ROBO1: variants seen among roughly 807,000 people sequenced by gnomAD.
ROBO1 encodes roundabout homolog 1.
In ROBO1, 149 loss-of-function variants were observed where a neutral mutation model predicts 195.9. The observed-to-expected ratio is 0.76, with a 90% CI of 0.67 to 0.87. The LOEUF (loss-of-function observed/expected upper bound fraction) is 0.87. Ranked by LOEUF, ROBO1 falls within the 40% of genes least tolerant of loss-of-function variation. The pLI is 0.00. For synonymous variants in ROBO1, 816 were observed against 733.2 expected, an observed-to-expected ratio of 1.11 and a Z score of -1.82; for missense variants, 1,933 against 2,068.3, an observed-to-expected ratio of 0.93 and a Z score of 1.27.
chr3:79,653,935 T>G (rs1219865578), intron 1 of ROBO1, among the ~76,000 whole-genome samples: 1 of 151,976 alleles, frequency 6.6e-6, no homozygotes, highest in African/African-American at 2.4e-5. Context: ...ACAAAGTACA[T>G]GTTAGGAAAG....
chr3:79,208,414 G>A (rs991095983), intron 2 of ROBO1, among the ~76,000 whole-genome samples: 1 of 152,172 alleles, frequency 6.6e-6, no homozygotes, highest in Non-Finnish European at 1.5e-5. Context: ...GGCTTATTTG[G>A]CAGAGTCAGA....
At chr3:79,275,532 T>C (rs981164012) in intron 2 of ROBO1, among the ~76,000 whole-genome samples, 1 of 151,922 alleles carries the variant, frequency 6.6e-6, no homozygotes, top group Non-Finnish European at 1.5e-5. Context: ...TCATATAGAA[T>C]GGAGAAAACC....
chr3:79,302,575 C>T (rs1427191680), intron 2 of ROBO1, among the ~76,000 whole-genome samples: 5 of 152,036 alleles, frequency 3.3e-5, no homozygotes, highest in Non-Finnish European at 5.9e-5. Flanking sequence ...GTCATTCTTC[C>T]CCTTCAAATT....
intron 2 of ROBO1, among the ~76,000 whole-genome samples, chr3:79,264,773 C>T (rs1331651118): frequency 6.6e-6 from 1 of 151,844 alleles, no homozygotes; most frequent in Non-Finnish European, 1.5e-5. Context: ...TTACTACTAG[C>T]TAATAGGTTG....
At chr3:79,127,760 A>G (rs1228338570) in intron 2 of ROBO1, among the ~76,000 whole-genome samples, 1 of 152,180 alleles carries the variant, frequency 6.6e-6, no homozygotes, top group Non-Finnish European at 1.5e-5. Context: ...ATCATATAAA[A>G]CAGATTTCCA....
chr3:78,829,496 T>C (rs570032025), intron 4 of ROBO1, among the ~76,000 whole-genome samples: 34 of 152,310 alleles, frequency 2.2e-4, no homozygotes, highest in African/African-American at 7.9e-4. Context: ...TTTTTGCTTC[T>C]AGTCCATTTT....
chr3:78,884,726 G>A (rs1289375819), intron 4 of ROBO1, among the ~76,000 whole-genome samples: 1 of 148,016 alleles, frequency 6.8e-6, no homozygotes. Context: ...GAAAGGAAAG[G>A]AAGGAAGGAA....
chr3:78,788,363 C>T (rs2083909590), intron 4 of ROBO1, among the ~76,000 whole-genome samples: 1 of 149,938 alleles, frequency 6.7e-6, no homozygotes, highest in Non-Finnish European at 1.5e-5. Context: ...CGTGATCCAC[C>T]CGCCTCGGCC....
intron 28 of ROBO1, among the ~76,000 whole-genome samples, chr3:78,607,756 T>C (rs558147028): frequency 1.3e-5 from 2 of 152,242 alleles, no homozygotes; most frequent in South Asian, 4.1e-4. Context: ...AGTTGAGACT[T>C]ATTTGCCATC....
chr3:79,229,917 A>G (rs1023077973), intron 2 of ROBO1, among the ~76,000 whole-genome samples: 3 of 152,128 alleles, frequency 2.0e-5, no homozygotes, highest in African/African-American at 7.2e-5. Flanking sequence ...TTGATTTCAA[A>G]AAGTATACCT....
intron 10 of ROBO1, among the ~76,000 whole-genome samples, chr3:78,677,745 G>A (rs1368292304): frequency 1.3e-5 from 2 of 152,118 alleles, no homozygotes; most frequent in Non-Finnish European, 2.9e-5. Context: ...ACACCCCACT[G>A]TCAACATTAG....
intron 2 of ROBO1, among the ~76,000 whole-genome samples, chr3:79,125,968 C>G (rs1431453440): frequency 1.3e-5 from 2 of 152,030 alleles, no homozygotes; most frequent in Non-Finnish European, 2.9e-5. Context: ...CGCTTCATCT[C>G]CTGGCAATTA....
chr3:79,088,865 A>G (rs2079424696), intron 3 of ROBO1, among the ~76,000 whole-genome samples: 1 of 152,078 alleles, frequency 6.6e-6, no homozygotes, highest in South Asian at 2.1e-4. Flanking sequence ...TTGCAATGAC[A>G]TATTTTACCC....
Position 79,735,945 on chromosome 3 carries a change from T to C in ROBO1, c.-51+31807A>G, listed in dbSNP as rs139096435. ...CATAGATTCATTCAGGTATCTTGTA[T>C]CCAACAATTATTTATTGAGCACATA... On this transcript the variant is annotated intron_variant, in intron 1 of 30. Transcript: ENST00000464233. Among the ~76,000 whole-genome samples, 528 of 151,732 alleles carry C rather than the reference T, an allele frequency of 3.5e-3. 2 individuals carry two copies. The highest frequency in any genetic ancestry group is 4.4e-3 in the Non-Finnish European group (299 of 67,946).
At chr3:79,065,845 A>G (rs993862880) in intron 3 of ROBO1, among the ~76,000 whole-genome samples, 3 of 152,006 alleles carry the variant, frequency 2.0e-5, no homozygotes, top group Admixed American at 6.6e-5. Context: ...CAGCAAAATT[A>G]TAGATGATGG....
At chr3:78,605,865 C>G (rs1362123182) in intron 29 of ROBO1, among the ~76,000 whole-genome samples, 1 of 152,164 alleles carries the variant, frequency 6.6e-6, no homozygotes, top group Admixed American at 6.5e-5. Flanking sequence ...TTTCAACTTA[C>G]CTTTGAACAT....
intron 2 of ROBO1, among the ~76,000 whole-genome samples, chr3:79,409,425 T>C (rs1181289572): frequency 1.3e-5 from 2 of 152,156 alleles, no homozygotes; most frequent in African/African-American, 2.4e-5. Flanking sequence ...AATTATATTA[T>C]GCAACTCTCC....
intron 10 of ROBO1, among the ~76,000 whole-genome samples, chr3:78,676,225 A>G (rs1269766458): frequency 6.6e-6 from 1 of 152,198 alleles, no homozygotes; most frequent in African/African-American, 2.4e-5. Context: ...AAAGATGGGG[A>G]AAAAACAGAG....
chr3:78,891,848 C>T (rs751569530), intron 4 of ROBO1, among the ~76,000 whole-genome samples: 8 of 152,296 alleles, frequency 5.3e-5, no homozygotes, highest in Middle Eastern at 6.8e-3. Flanking sequence ...ATAGCATAAA[C>T]TAGTGATCAC....
Sources: gnomAD v4.1 joint callset for allele counts (sites outside exome capture counted in the v4.1 genomes callset) on GRCh38, gnomAD v4.1.1 for gene constraint, MANE v1.5 for transcripts, NCBI Gene and HGNC (gene_info 2026-07-23, HGNC 2026-07-21) for gene names.